The following PHF14 variants were observed in gnomAD, a reference collection of about 807,000 sequenced individuals.
PHF14 encodes the protein PHD finger protein 14.
A neutral mutation model predicts 117.9 loss-of-function variants in PHF14; 55 were observed. That is an observed-to-expected ratio of 0.47 (90% confidence interval 0.38 to 0.58). The LOEUF (loss-of-function observed/expected upper bound fraction) is 0.58. Among genes scored for constraint, PHF14 ranks in the 20% least tolerant of loss-of-function variants. PHF14 has a pLI of 0.00. For missense variants in PHF14, 978 were observed against 1,122.2 expected (o/e 0.87, Z 1.84); for synonymous variants, 409 against 368.6 (o/e 1.11, Z -1.26).
rs1455745720 is a variant in PHF14, at chr7:11,130,553, A to G, written c.2772+19086A>G. Among the ~76,000 whole-genome samples, 1 of 151,838 alleles carries G rather than the reference A, an allele frequency of 6.6e-6. No individual in the cohort carries two copies. The highest frequency in any genetic ancestry group is 2.1e-4 in the South Asian group (1 of 4,812). ...TTTAGGTTTATAGAAAAATGGAGTT[A>G]AAACTACAGATTTCCCATATGCCCC... On this transcript the variant is annotated intron_variant, in intron 17 of 17. Transcript: ENST00000634607. The surrounding 1 kb of genome is among the most constrained non-coding windows in gnomAD (Gnocchi z 4.2).
intron 16 of PHF14, chr7:11,109,622 G>A (rs1218709797): frequency 6.6e-6 from 1 of 151,804 alleles, no homozygotes; most frequent in Admixed American, 6.6e-5. Context: ...AGGTAAATAT[G>A]TTGTACTGAG....
At chr7:11,128,116 G>GCCAGAAATAACATAAAATATATGTA in intron 17 of PHF14, among the ~76,000 whole-genome samples, 1 of 151,860 alleles carries the variant, frequency 6.6e-6, no homozygotes, top group South Asian at 2.1e-4. Context: ...TTCTTTTTTG[G>GCCAGAAATAACATAAAATATATGTA]CCAGAAATAA....
intron 16 of PHF14, chr7:11,107,217 CAGG>C: frequency 1.0e-6 from 1 of 983,514 alleles, no homozygotes. Context: ...TCTCAATAGT[CAGG>C]TAAACACCTG....
At chr7:11,102,903 A>G in intron 16 of PHF14, 2 of 1,083,292 alleles carry the variant, frequency 1.8e-6, no homozygotes, top group Non-Finnish European at 2.2e-6. Flanking sequence ...CAGTGTTTGG[A>G]CTTACTGAAG....
At chr7:10,999,025 G>T (rs1185616059) in intron 4 of PHF14, among the ~76,000 whole-genome samples, 1 of 152,172 alleles carries the variant, frequency 6.6e-6, no homozygotes, top group Non-Finnish European at 1.5e-5. Flanking sequence ...CTTTTGCAAA[G>T]TTCTGGCGGC....
At chr7:11,050,404 A>G (rs1031535212) in intron 13 of PHF14, among the ~76,000 whole-genome samples, 1 of 152,174 alleles carries the variant, frequency 6.6e-6, no homozygotes, top group Non-Finnish European at 1.5e-5. Context: ...CATTTGAAGA[A>G]AATATGAGTA....
intron 1 of PHF14, 43 bp from the exon 2 acceptor site, chr7:10,974,792 T>G: frequency 1.0e-6 from 1 of 972,142 alleles, no homozygotes; most frequent in Admixed American, 2.4e-5. Context: ...CCCCTGTGTT[T>G]GGTGTGATTA....
chr7:11,069,299 G>A (rs1785528522), intron 16 of PHF14, among the ~76,000 whole-genome samples: 1 of 152,092 alleles, frequency 6.6e-6, no homozygotes, highest in African/African-American at 2.4e-5. Flanking sequence ...AAAGGTTCCT[G>A]CTGTTTTATG....
At position 11,139,600 on chromosome 7, in the gene PHF14, A is replaced by G. The variant is rs115177723; in HGVS notation, c.2772+28133A>G. Among the ~76,000 whole-genome samples the G allele has an allele frequency of 8.1e-3, 1,228 of 152,302 alleles. 11 individuals are homozygous for G. Among genetic ancestry groups the G allele is most frequent in the African/African-American group, 0.028 (1,171 of 41,570 alleles). Reference sequence around the variant, plus strand: ...AATTTAAAGGATTTTACCAAGTTGTACTATATTTAAATGAAGAATGTATCT... The same window carrying G: ...AATTTAAAGGATTTTACCAAGTTGTGCTATATTTAAATGAAGAATGTATCT... On this transcript the variant is annotated intron_variant, in intron 17 of 17. Transcript: ENST00000634607.
At chr7:11,093,375 G>A (rs1450532336) in intron 16 of PHF14, among the ~76,000 whole-genome samples, 1 of 152,136 alleles carries the variant, frequency 6.6e-6, no homozygotes, top group Non-Finnish European at 1.5e-5. Flanking sequence ...TTTCAAGGCT[G>A]TTAGTATGGG....
At chr7:11,142,106 A>T (rs975944755) in intron 17 of PHF14, among the ~76,000 whole-genome samples, 58 of 152,174 alleles carry the variant, frequency 3.8e-4, no homozygotes, top group African/African-American at 1.3e-3. Flanking sequence ...TATGCTTCTC[A>T]GTAAAAGCAA....
chr7:11,039,456 AATT>A (rs1426384989), intron 11 of PHF14, among the ~76,000 whole-genome samples: 3 of 152,134 alleles, frequency 2.0e-5, no homozygotes, highest in African/African-American at 7.2e-5. Context: ...GGTGTTGAAT[AATT>A]ATTGTTAGAT....
intron 16 of PHF14, chr7:11,062,724 G>C: frequency 4.1e-6 from 4 of 985,016 alleles, no homozygotes; most frequent in Non-Finnish European, 4.8e-6. Flanking sequence ...TTTTCCCAAC[G>C]GTCCAGAGGC....
chr7:11,028,540 G>A, intron 6 of PHF14, 141 bp from the exon 7 acceptor site: 1 of 719,618 alleles, frequency 1.4e-6, no homozygotes, highest in Non-Finnish European at 2.3e-6. Context: ...GCTCGCCTAT[G>A]ATTATTGTTT....
chr7:11,156,186 T>C (rs953652958), intron 17 of PHF14, among the ~76,000 whole-genome samples: 7 of 152,312 alleles, frequency 4.6e-5, no homozygotes, highest in African/African-American at 1.7e-4. Context: ...ACATAACCAG[T>C]AAATCCAAGA....
chr7:11,081,347 A>AAC (rs1436612503), intron 16 of PHF14, among the ~76,000 whole-genome samples: 3 of 152,224 alleles, frequency 2.0e-5, no homozygotes, highest in Non-Finnish European at 4.4e-5. Context: ...TTCTGAAATT[A>AAC]GCTCAATTTT....
At chr7:11,139,731 A>G (rs1788346370) in intron 17 of PHF14, among the ~76,000 whole-genome samples, 1 of 152,196 alleles carries the variant, frequency 6.6e-6, no homozygotes, top group Non-Finnish European at 1.5e-5. Flanking sequence ...AATAAATTAC[A>G]AAAACTAGAA....
At chr7:11,121,971 C>G (rs1217188715) in intron 17 of PHF14, among the ~76,000 whole-genome samples, 1 of 151,776 alleles carries the variant, frequency 6.6e-6, no homozygotes, top group Non-Finnish European at 1.5e-5. Flanking sequence ...GTTTTAAGCC[C>G]TGCATGCATT....
rs904729220 is a variant in PHF14, at chr7:11,088,024, C to T, written c.2655-23326C>T. 7.9e-4 allele frequency among the ~76,000 whole-genome samples: 120 copies of T among 152,138 alleles called. 1 individual carries two copies. The highest frequency in any genetic ancestry group is 2.7e-3 in the African/African-American group (114 of 41,502). ...TAATTCAGTATAAAATATAACTTTG[C>T]AGAGTTATCATTATTACAGTCATCC... On this transcript the variant is annotated intron_variant, in intron 16 of 17. Coordinates refer to ENST00000634607, the MANE Select transcript of PHF14 (RefSeq NM_001007157.2).
Sources: allele counts gnomAD v4.1 joint callset (sites outside exome capture counted in the v4.1 genomes callset), GRCh38; gene constraint gnomAD v4.1.1; non-coding constraint Gnocchi (gnomAD v3.1); transcripts MANE v1.5; gene names NCBI Gene and HGNC (gene_info 2026-07-23, HGNC 2026-07-21).